The following GRB14 variants were observed in gnomAD, a reference collection of about 807,000 sequenced individuals.
GRB14 encodes growth factor receptor-bound protein 14.
A neutral mutation model predicts 69.1 loss-of-function variants in GRB14; 38 were observed. The ratio of observed to expected loss-of-function variants is 0.55; its 90% CI spans 0.42 to 0.72. GRB14 has a LOEUF of 0.72. Among genes scored for constraint, GRB14 ranks in the 30% least tolerant of loss-of-function variants. The probability of loss-of-function intolerance (pLI) is 0.00; values close to 1 mark genes in which losing one functional copy is unlikely to be tolerated. For missense variants in GRB14, 666 were observed against 666.1 expected (o/e 1.00, Z 0.00); for synonymous variants, 247 against 241.3 (o/e 1.02, Z -0.22).
intron 2 of GRB14, among the ~76,000 whole-genome samples, chr2:164,559,714 G>T (rs1356067718): frequency 6.6e-6 from 1 of 152,060 alleles, no homozygotes; most frequent in Non-Finnish European, 1.5e-5. Flanking sequence ...TTGGTTACAC[G>T]ATTTTGCCAT....
chr2:164,619,581 G>T (rs1367314671), intron 2 of GRB14, 106 bp downstream of exon 2: 2 of 709,162 alleles, frequency 2.8e-6, no homozygotes, highest in Non-Finnish European at 4.7e-6. Flanking sequence ...ATTTAACAGA[G>T]CCCATGCTAA....
intron 2 of GRB14, among the ~76,000 whole-genome samples, chr2:164,599,347 A>G (rs1689861951): frequency 6.6e-6 from 1 of 152,356 alleles, no homozygotes; most frequent in Admixed American, 6.5e-5. Flanking sequence ...AGAGGATAGG[A>G]CATAGATTTC....
Position 164,508,741 on chromosome 2 carries a change from C to A in GRB14, c.927+1G>T. 1 of 1,578,574 alleles carries A rather than the reference C, an allele frequency of 6.3e-7. No individual in the cohort carries two copies. Among genetic ancestry groups the A allele is most frequent in the Non-Finnish European group, 8.6e-7 (1 of 1,166,172 alleles). Reference sequence around the variant, plus strand: ...CATCTATCAAAATATTAAGCCTGTACCTTAAAGCAGAATCCATAGTTAGTC... The same window carrying A: ...CATCTATCAAAATATTAAGCCTGTAACTTAAAGCAGAATCCATAGTTAGTC... On this transcript the variant is annotated splice_donor_variant, in intron 7 of 13. Coordinates refer to ENST00000263915, the MANE Select transcript of GRB14 (RefSeq NM_004490.3). LOFTEE classifies it high-confidence loss of function.
chr2:164,591,655 T>C (rs1216249070), intron 2 of GRB14, among the ~76,000 whole-genome samples: 1 of 152,084 alleles, frequency 6.6e-6, no homozygotes, highest in Non-Finnish European at 1.5e-5. Context: ...GCAGTTAACT[T>C]CCCCATGATT....
intron 2 of GRB14, among the ~76,000 whole-genome samples, chr2:164,556,721 T>A (rs1489367389): frequency 6.6e-6 from 1 of 152,130 alleles, no homozygotes; most frequent in Admixed American, 6.6e-5. Flanking sequence ...CCAGCTTAGG[T>A]CCAGGCCCTT....
At chr2:164,587,517 C>T (rs987521549) in intron 2 of GRB14, among the ~76,000 whole-genome samples, 1 of 152,146 alleles carries the variant, frequency 6.6e-6, no homozygotes, top group African/African-American at 2.4e-5. Context: ...CATGTCTCTA[C>T]AGTCATTGTC....
chr2:164,506,848 C>G (rs1182281844), intron 8 of GRB14, among the ~76,000 whole-genome samples: 4 of 152,132 alleles, frequency 2.6e-5, no homozygotes, highest in Non-Finnish European at 5.9e-5. Flanking sequence ...AACCACAAAA[C>G]ACTATGCTAA....
chr2:164,553,418 G>C (rs1017346891), intron 2 of GRB14, among the ~76,000 whole-genome samples: 4 of 152,138 alleles, frequency 2.6e-5, no homozygotes, highest in Non-Finnish European at 5.9e-5. Context: ...AATAAAACCT[G>C]CTGAGAGAAA....
intron 3 of GRB14, among the ~76,000 whole-genome samples, chr2:164,528,528 C>T (rs1321134944): frequency 6.6e-6 from 1 of 152,018 alleles, no homozygotes; most frequent in Non-Finnish European, 1.5e-5. Context: ...GACATTTATT[C>T]ATCCAAAAAA....
At chr2:164,618,815 G>C (rs577815106) in intron 2 of GRB14, among the ~76,000 whole-genome samples, 1 of 152,274 alleles carries the variant, frequency 6.6e-6, no homozygotes, top group African/African-American at 2.4e-5. Context: ...ATGGCCAACT[G>C]TCTTGTCCTC....
In GRB14 at chr2:164,521,829, T is replaced by C. The variant is rs1687641138; in HGVS notation, c.816+151A>G. ...CAGTGTGAAGTAAAGCTGAGTAGTG[T>C]TTAAATAATCAAGGCAAACGTTTTA... On this transcript the variant is annotated intron_variant, in intron 6 of 13. Transcript: ENST00000263915. 10 of 652,000 alleles carry C rather than the reference T, an allele frequency of 1.5e-5. 1 individual carries two copies. In the East Asian group the frequency reaches 2.8e-4, roughly 19 times the overall value. The allele number at this position is 652,000 out of a possible 1,614,324, so 40.4% of individuals were successfully genotyped here.
At chr2:164,521,734 C>T (rs1377246142) in intron 6 of GRB14, among the ~76,000 whole-genome samples, 1 of 151,966 alleles carries the variant, frequency 6.6e-6, no homozygotes, top group East Asian at 1.9e-4. Context: ...AGAGTGAGGA[C>T]AAAGGAGTAA....
At chr2:164,512,227 C>T (rs554097537) in intron 6 of GRB14, among the ~76,000 whole-genome samples, 1 of 152,244 alleles carries the variant, frequency 6.6e-6, no homozygotes, top group East Asian at 1.9e-4. Flanking sequence ...AGGGCAATGG[C>T]GTGATCTCGG....
chr2:164,516,226 A>T (rs1257722149), intron 6 of GRB14, among the ~76,000 whole-genome samples: 6 of 152,152 alleles, frequency 3.9e-5, no homozygotes, highest in Non-Finnish European at 5.9e-5. Context: ...CACCTGGGAA[A>T]TTAATCACAA....
intron 2 of GRB14, among the ~76,000 whole-genome samples, chr2:164,569,868 C>G (rs944272576): frequency 2.6e-5 from 4 of 151,996 alleles, no homozygotes; most frequent in African/African-American, 9.6e-5. Context: ...AGAAAATTAC[C>G]AAGAAAGCAA....
chr2:164,612,117 C>A (rs1338412177), intron 2 of GRB14, among the ~76,000 whole-genome samples: 1 of 152,154 alleles, frequency 6.6e-6, no homozygotes, highest in East Asian at 1.9e-4. Flanking sequence ...TCAGTCACAT[C>A]ATATTGACAC....
At chr2:164,585,471 A>G (rs923649082) in intron 2 of GRB14, among the ~76,000 whole-genome samples, 13 of 152,132 alleles carry the variant, frequency 8.5e-5, no homozygotes, top group Non-Finnish European at 1.8e-4. Flanking sequence ...CTGAATAACT[A>G]TTTCCCAAAT....
intron 3 of GRB14, among the ~76,000 whole-genome samples, chr2:164,529,397 A>C (rs1399685063): frequency 2.0e-5 from 3 of 152,238 alleles, no homozygotes; most frequent in African/African-American, 7.2e-5. Flanking sequence ...GTACACATAC[A>C]AAATTTCAAA....
At chr2:164,574,048 A>T in intron 2 of GRB14, 1 of 1,186,928 alleles carries the variant, frequency 8.4e-7, no homozygotes, top group South Asian at 1.2e-5. Context: ...ATAAATATGT[A>T]GCCTAGATCT....
Sources: allele counts gnomAD v4.1 joint callset (sites outside exome capture counted in the v4.1 genomes callset), GRCh38; gene constraint gnomAD v4.1.1; transcripts MANE v1.5; gene names NCBI Gene and HGNC (gene_info 2026-07-23, HGNC 2026-07-21).